PIK3AP1: variants seen among roughly 807,000 people sequenced by gnomAD.
PIK3AP1 encodes phosphoinositide-3-kinase adaptor protein 1.
Under a neutral mutation model 88.1 loss-of-function variants are expected in PIK3AP1, and 21 were observed. The observed-to-expected ratio is 0.24, with a 90% CI of 0.17 to 0.34. The LOEUF (loss-of-function observed/expected upper bound fraction) is 0.34. PIK3AP1 is among the 10% of genes least tolerant of loss of function. The pLI, the probability that PIK3AP1 is intolerant of heterozygous loss-of-function variation, is 1.00. For synonymous variants in PIK3AP1, 398 were observed against 400.0 expected, an observed-to-expected ratio of 1.00 and a Z score of 0.06; for missense variants, 828 against 1,035.7, an observed-to-expected ratio of 0.80 and a Z score of 2.75.
chr10:96,719,454 G>A (rs1165958035), intron 1 of PIK3AP1, among the ~76,000 whole-genome samples: 2 of 152,114 alleles, frequency 1.3e-5, no homozygotes, highest in East Asian at 3.9e-4. Flanking sequence ...AAACCCATTT[G>A]TAAACACTGT....
intron 2 of PIK3AP1, among the ~76,000 whole-genome samples, chr10:96,674,136 A>G (rs1204613873): frequency 1.3e-5 from 2 of 152,242 alleles, no homozygotes; most frequent in African/African-American, 2.4e-5. Context: ...GCATAAATAT[A>G]GGCCAAAATT....
intron 2 of PIK3AP1, among the ~76,000 whole-genome samples, chr10:96,687,573 C>G (rs1413628177): frequency 6.6e-6 from 1 of 152,148 alleles, no homozygotes; most frequent in Non-Finnish European, 1.5e-5. Context: ...TGACATCATT[C>G]TTCCAGTCAC....
chr10:96,612,950 GTATATATA>G (rs398046320), intron 13 of PIK3AP1, among the ~76,000 whole-genome samples: 31 of 59,688 alleles, frequency 5.2e-4, no homozygotes, highest in African/African-American at 2.2e-3. Flanking sequence ...GTGTGTGTGT[GTATATATA>G]TATATATATA....
intron 1 of PIK3AP1, among the ~76,000 whole-genome samples, chr10:96,717,304 G>A (rs995283300): frequency 3.3e-5 from 5 of 149,734 alleles, no homozygotes; most frequent in Non-Finnish European, 7.4e-5. Flanking sequence ...CAGACAGGAA[G>A]TGCCAGAAAG....
At chr10:96,667,064 A>T (rs926623955) in intron 2 of PIK3AP1, among the ~76,000 whole-genome samples, 4 of 152,222 alleles carry the variant, frequency 2.6e-5, no homozygotes, top group African/African-American at 9.6e-5. Flanking sequence ...GTATGCTGTG[A>T]CCTGCCACCA....
At position 96,682,380 on chromosome 10, in the gene PIK3AP1, T is replaced by C. The variant is rs77980956; in HGVS notation, c.431-25446A>G. 5.1e-3 allele frequency among the ~76,000 whole-genome samples: 775 copies of C among 152,232 alleles called. 6 individuals carry two copies. Among genetic ancestry groups the C allele is most frequent in the African/African-American group, 0.018 (742 of 41,538 alleles). ...GATGGCTGAGTCCAGCTCCTGCATC[T>C]GTTGTTTGAAGCTCCTTTCCCACAT... On this transcript the variant is annotated intron_variant, in intron 2 of 16. Transcript: ENST00000339364.
intron 16 of PIK3AP1, 145 bp downstream of exon 16, chr10:96,602,135 G>A: frequency 3.3e-6 from 2 of 609,912 alleles, no homozygotes; most frequent in Non-Finnish European, 5.6e-6. Flanking sequence ...CGCCCGCCTT[G>A]GCCTCCCAAA....
chr10:96,682,131 CT>C (rs1844011114), intron 2 of PIK3AP1, among the ~76,000 whole-genome samples: 1 of 151,912 alleles, frequency 6.6e-6, no homozygotes, highest in Non-Finnish European at 1.5e-5. Flanking sequence ...AAACAAACAC[CT>C]GTTCATAGAT....
At chr10:96,616,970 T>C (rs1218006687) in intron 12 of PIK3AP1, among the ~76,000 whole-genome samples, 1 of 152,218 alleles carries the variant, frequency 6.6e-6, no homozygotes, top group Admixed American at 6.5e-5. Flanking sequence ...CTGTTCTATA[T>C]GACCCCTCTC....
chr10:96,633,329 G>A (rs1409024630), intron 8 of PIK3AP1: 5 of 322,202 alleles, frequency 1.6e-5, no homozygotes, highest in Non-Finnish European at 2.8e-5. Flanking sequence ...GTCAACTGAA[G>A]GTCAAAATCT....
chr10:96,671,225 A>G (rs1338158157), intron 2 of PIK3AP1, among the ~76,000 whole-genome samples: 1 of 152,214 alleles, frequency 6.6e-6, no homozygotes, highest in East Asian at 1.9e-4. Context: ...CCTTTGCTCT[A>G]CTGAAAATAT....
chr10:96,602,533 C>T, intron 15 of PIK3AP1, 135 bp from the exon 16 acceptor site: 1 of 677,596 alleles, frequency 1.5e-6, no homozygotes, highest in East Asian at 3.0e-5. Flanking sequence ...ATAATCAACC[C>T]AGCCATACCT....
At position 96,709,957 on chromosome 10, in the gene PIK3AP1, T is replaced by C. The variant is rs776496216; in HGVS notation, c.40A>G (p.Ile14Val). 9 of 1,596,564 alleles carry C rather than the reference T, an allele frequency of 5.6e-6. No individual in the cohort carries two copies. Among genetic ancestry groups the C allele is most frequent in the Non-Finnish European group, 6.9e-6 (8 of 1,167,108 alleles). Residue 14 changes from isoleucine to valine, a missense_variant, in exon 2 of 17, where the codon ATC becomes GTC. Coordinates refer to ENST00000339364, the MANE Select transcript of PIK3AP1 (RefSeq NM_152309.3). ...SGVPRGCDIL[I>V]VYSPDAEEWC... is the part of the protein sequence containing the mutation. ...TCCTCGGCATCCGGGCTGTAGACGA[T>C]GAGGATGTCGCATCCTCTGGGCACC...
chr10:96,645,926 C>T (rs1843453455), intron 7 of PIK3AP1, among the ~76,000 whole-genome samples: 1 of 152,144 alleles, frequency 6.6e-6, no homozygotes, highest in Non-Finnish European at 1.5e-5. Context: ...TCAGGAAATA[C>T]TCGTTAAATG....
intron 8 of PIK3AP1, among the ~76,000 whole-genome samples, chr10:96,633,722 T>C (rs1276053161): frequency 2.6e-5 from 4 of 152,274 alleles, no homozygotes; most frequent in Non-Finnish European, 5.9e-5. Flanking sequence ...TGAATGCTTA[T>C]GAGTTCATTG....
Position 96,656,761 on chromosome 10 carries a change from G to A in PIK3AP1, c.567+37C>T, listed in dbSNP as rs1564973068. 3 of 1,609,562 alleles carry A rather than the reference G, an allele frequency of 1.9e-6. No homozygotes were observed. The African/African-American group carries it at 4.0e-5, about 22-fold the overall frequency. ...ATGCATGCATTTGAAAAGCCCAAGT[G>A]CTGACATCCAGCTACCAGGCCCCCA... On this transcript the variant is annotated intron_variant, in intron 3 of 16. Coordinates refer to ENST00000339364, the MANE Select transcript of PIK3AP1 (RefSeq NM_152309.3).
chr10:96,717,619 T>C (rs985516744), intron 1 of PIK3AP1, among the ~76,000 whole-genome samples: 5 of 152,150 alleles, frequency 3.3e-5, no homozygotes, highest in Admixed American at 3.3e-4. Flanking sequence ...CCAGGAATAG[T>C]AGAAGGATCT....
intron 12 of PIK3AP1, among the ~76,000 whole-genome samples, chr10:96,617,326 A>G (rs1284715016): frequency 2.0e-5 from 3 of 152,204 alleles, no homozygotes; most frequent in African/African-American, 7.2e-5. Flanking sequence ...GATTGTTGCT[A>G]TTTTAGTCAA....
intron 2 of PIK3AP1, among the ~76,000 whole-genome samples, chr10:96,694,350 ATAAATTTACAGTC>A (rs1844192538): frequency 6.6e-6 from 1 of 152,150 alleles, no homozygotes; most frequent in African/African-American, 2.4e-5. Context: ...GAATATAAAC[ATAAATTTACAGTC>A]TCATCTATGC....
Sources: gnomAD v4.1 joint callset for allele counts (sites outside exome capture counted in the v4.1 genomes callset) on GRCh38, gnomAD v4.1.1 for gene constraint, MANE v1.5 for transcripts, NCBI Gene and HGNC (gene_info 2026-07-23, HGNC 2026-07-21) for gene names.